ADA: variants seen among roughly 807,000 people sequenced by gnomAD.
ADA encodes adenosine aminohydrolase.
ADA carries 45 observed loss-of-function variants against 49.0 expected under a neutral mutation model. The ratio of observed to expected loss-of-function variants is 0.92; its 90% confidence interval spans 0.72 to 1.18. ADA has a LOEUF of 1.18. Ranked by LOEUF, ADA falls within the 50% of genes most tolerant of loss-of-function variation. The pLI, the probability that ADA is intolerant of heterozygous loss-of-function variation, is 0.00. For missense variants in ADA, 445 were observed against 472.5 expected (o/e 0.94, Z 0.54); for synonymous variants, 173 against 184.2 (o/e 0.94, Z 0.49).
chr20:44,650,287 G>A (rs1473919832), intron 1 of ADA, among the ~76,000 whole-genome samples: 1 of 152,128 alleles, frequency 6.6e-6, no homozygotes, highest in Non-Finnish European at 1.5e-5. Flanking sequence ...CAGTAGTGGG[G>A]GCCAGGCCTC....
At chr20:44,651,435 G>T (rs905227557) in intron 1 of ADA, 140 bp downstream of exon 1, 4 of 872,962 alleles carry the variant, frequency 4.6e-6, no homozygotes, top group African/African-American at 3.6e-5. Flanking sequence ...AGCAAGCCAC[G>T]GCCTAAGCCG....
At chr20:44,636,537 C>A (rs1045911508) in intron 1 of ADA, among the ~76,000 whole-genome samples, 1 of 152,064 alleles carries the variant, frequency 6.6e-6, no homozygotes, top group South Asian at 2.1e-4. Flanking sequence ...CACTGAGGTT[C>A]GGAGGTGTTA....
chr20:44,630,438 C>T (rs2065423512), intron 2 of ADA, among the ~76,000 whole-genome samples: 4 of 150,564 alleles, frequency 2.7e-5, no homozygotes, highest in Admixed American at 2.6e-4. Flanking sequence ...GCACAGAGAA[C>T]AGATGAAAAC....
At chr20:44,644,168 C>T (rs1390422358) in intron 1 of ADA, among the ~76,000 whole-genome samples, 6 of 112,390 alleles carry the variant, frequency 5.3e-5, no homozygotes, top group Admixed American at 2.6e-4. Context: ...TGGAGGTAGA[C>T]GCCCTGCTCG....
intron 2 of ADA, among the ~76,000 whole-genome samples, chr20:44,631,012 CA>C (rs983574902): frequency 7.9e-5 from 12 of 151,488 alleles, no homozygotes; most frequent in Middle Eastern, 3.2e-3. Flanking sequence ...GACCCTGTCT[CA>C]AAAAAATAAA....
At chr20:44,647,339 G>A (rs556267240) in intron 1 of ADA, among the ~76,000 whole-genome samples, 16 of 152,034 alleles carry the variant, frequency 1.1e-4, no homozygotes, top group Non-Finnish European at 1.9e-4. Context: ...GGGAGGCTGA[G>A]GCAGAAGAAT....
rs547700655 is a variant in ADA at position 44,622,995 on chromosome 20, C to G, written c.678+12G>C. ...AGTGAGGAGGGACCCCATGGCCAGC[C>G]CAGGCCCTCACCTCTTTTACTACTT... is the stretch of plus-strand genomic sequence containing the variant. On this transcript the variant is annotated intron_variant, in intron 7 of 11. Transcript: ENST00000372874. The G allele has an allele frequency of 2.5e-6, 4 of 1,614,218 alleles. No homozygotes were observed. The highest frequency in any genetic ancestry group is 1.1e-5 in the South Asian group (1 of 91,084).
Position 44,623,006 on chromosome 20 carries a change from C to T in ADA, c.678+1G>A, listed in dbSNP as rs2065347615. 21 of 1,614,218 alleles carry T rather than the reference C, an allele frequency of 1.3e-5. No homozygotes were observed. The highest frequency in any genetic ancestry group is 1.8e-5 in the Non-Finnish European group (21 of 1,180,036). ...ACCCCATGGCCAGCCCAGGCCCTCA[C>T]CTCTTTTACTACTTCGGCCGAGCCC... On this transcript the variant is annotated splice_donor_variant, in intron 7 of 11. Coordinates refer to ENST00000372874, the MANE Select transcript of ADA (RefSeq NM_000022.4). LOFTEE classifies it high-confidence loss of function.
rs142255129 is a variant in ADA, at chr20:44,649,639, G to C, written c.33+1936C>G. 3.9e-3 allele frequency among the ~76,000 whole-genome samples: 592 copies of C among 152,064 alleles called. 10 individuals carry two copies. The highest frequency in any genetic ancestry group is 0.012 in the African/African-American group (497 of 41,444). The stretch of plus-strand genomic sequence containing the variant: ...CTTGATGGGCTGTTACAGAAGAACT[G>C]CAAGGATCCAATGGGTGTCTGCAAC... On this transcript the variant is annotated intron_variant, in intron 1 of 11. Coordinates refer to ENST00000372874, the MANE Select transcript of ADA (RefSeq NM_000022.4).
rs1398609180 is a variant in ADA at position 44,621,051 on chromosome 20, G to A, written c.942C>T (p.Asp314=). 4 of 1,614,016 alleles carry A rather than the reference G, an allele frequency of 2.5e-6. No individual in the cohort carries two copies. Among genetic ancestry groups the A allele is most frequent in the Non-Finnish European group, 3.4e-6 (4 of 1,180,030 alleles). The change falls in exon 10 of 12, where the codon GAC becomes GAT. Residue 314 remains aspartate (D), a synonymous_variant. Coordinates refer to ENST00000372874, the MANE Select transcript of ADA (RefSeq NM_000022.4). ...TAAACTCCTCTTCAGTAAAGCCCATGTCCCGTTTGGTCATCTGGTAATCAG... is the reference window on the plus strand; with the variant it reads ...TAAACTCCTCTTCAGTAAAGCCCATATCCCGTTTGGTCATCTGGTAATCAG... The part of the protein sequence containing the change: ...LDTDYQMTKR[D]MGFTEEEFKR...
intron 3 of ADA, among the ~76,000 whole-genome samples, chr20:44,627,367 G>C (rs1366968792): frequency 6.6e-6 from 1 of 152,100 alleles, no homozygotes; most frequent in East Asian, 1.9e-4. Context: ...ATTTTTAGTA[G>C]AGACAGCGTT....
chr20:44,622,519 C>T (rs941778548), intron 9 of ADA, 69 bp downstream of exon 9: 3 of 1,577,764 alleles, frequency 1.9e-6, no homozygotes, highest in Non-Finnish European at 2.6e-6. Context: ...GATGCCCAAT[C>T]CCTAAAGTTT....
chr20:44,622,159 C>T (rs1394255064), intron 9 of ADA, among the ~76,000 whole-genome samples: 1 of 152,216 alleles, frequency 6.6e-6, no homozygotes, highest in Non-Finnish European at 1.5e-5. Flanking sequence ...GTGGAACAGA[C>T]CCTCCGGTGG....
intron 2 of ADA, among the ~76,000 whole-genome samples, chr20:44,632,093 G>A (rs761969258): frequency 6.6e-6 from 1 of 152,184 alleles, no homozygotes; most frequent in Non-Finnish European, 1.5e-5. Context: ...CAACCATCAA[G>A]AAGGAACTTC....
Position 44,651,628 on chromosome 20 carries a change from C to A in ADA, c.-21G>T. The A allele has an allele frequency of 2.6e-6, 4 of 1,513,524 alleles. No individual in the cohort carries two copies. Among genetic ancestry groups the A allele is most frequent in the Non-Finnish European group, 3.5e-6 (4 of 1,138,580 alleles). 93.8% of individuals were successfully genotyped at this position (1,513,524 alleles called of 1,614,324 possible). On this transcript the variant is annotated 5_prime_UTR_variant, in exon 1 of 12. Transcript: ENST00000372874. ...GCCATGGTGCCCTCGTGCGCCCCGG[C>A]GCTGCTCCCTCCGCCGCCGCTCGGT... is the stretch of plus-strand genomic sequence containing the variant.
chr20:44,649,413 G>A (rs6031695), intron 1 of ADA, among the ~76,000 whole-genome samples: 8,653 of 151,950 alleles, frequency 0.057, 885 homozygotes, highest in African/African-American at 0.2. Flanking sequence ...CAAACACATG[G>A]CAGGTAACAT....
At chr20:44,619,943 T>C (rs2065311976) in intron 11 of ADA, 96 bp from the exon 12 acceptor site, 1 of 1,509,028 alleles carries the variant, frequency 6.6e-7, no homozygotes, top group Non-Finnish European at 9.2e-7. Flanking sequence ...AAGGAACTCC[T>C]TCCTATGATG....
rs767064067 is a variant in ADA at position 44,629,079 on chromosome 20, C to T, written c.186G>A (p.Leu62=). The T allele has an allele frequency of 8.1e-6, 13 of 1,614,070 alleles. No homozygotes were observed. The highest frequency in any genetic ancestry group is 6.7e-5 in the African/African-American group (5 of 74,932). The change falls in exon 3 of 12, where the codon CTG becomes CTA. Residue 62 remains leucine (L), a synonymous_variant. Coordinates refer to ENST00000372874, the MANE Select transcript of ADA (RefSeq NM_000022.4). ...CAGGCATGTAGTAGTCAAACTTGGC[C>T]AGGAAGTCTGGAAGGGTGAGCGGCT... ...MDKPLTLPDF[L]AKFDYYMPAI...
chr20:44,636,303 G>A lies in ADA; in HGVS notation c.34-15C>T. ...TGCAGTTCCACCTGCAAGGGGGCAG[G>A]GGGAAGAGAGAGAGAAAGGGAGAGA... On this transcript the variant is annotated splice_polypyrimidine_tract_variant and intron_variant, in intron 1 of 11. Coordinates refer to ENST00000372874, the MANE Select transcript of ADA (RefSeq NM_000022.4). 1 of 1,590,376 alleles carries A rather than the reference G, an allele frequency of 6.3e-7. No homozygotes were observed. Among genetic ancestry groups the A allele is most frequent in the Non-Finnish European group, 8.6e-7 (1 of 1,164,068 alleles).
Sources: gnomAD v4.1 joint callset for allele counts (sites outside exome capture counted in the v4.1 genomes callset) on GRCh38, gnomAD v4.1.1 for gene constraint, MANE v1.5 for transcripts, NCBI Gene and HGNC (gene_info 2026-07-23, HGNC 2026-07-21) for gene names.